Variants in PCDHA5 observed in about 807,000 individuals in gnomAD.
PCDHA5 encodes the protein protocadherin alpha 5, also known as protocadherin alpha-5.
Under a neutral mutation model 61.6 loss-of-function variants are expected in PCDHA5, and 43 were observed. The observed-to-expected ratio is 0.70, with a 90% CI of 0.55 to 0.90. The LOEUF (loss-of-function observed/expected upper bound fraction) is 0.90. PCDHA5 is among the 40% of genes least tolerant of loss of function. The pLI is 0.00. For synonymous variants in PCDHA5, 627 were observed against 543.9 expected, an observed-to-expected ratio of 1.15 and a Z score of -2.13; for missense variants, 1,298 against 1,222.7, an observed-to-expected ratio of 1.06 and a Z score of -0.92.
chr5:140,822,254 A>G lies in PCDHA5; in HGVS notation c.479A>G (p.Asp160Gly). 1 of 1,614,260 alleles carries G rather than the reference A, an allele frequency of 6.2e-7. No individual in the cohort carries two copies. Among genetic ancestry groups the G allele is most frequent in the South Asian group, 1.1e-5 (1 of 91,092 alleles). ...CCGCTAGAGGGCGCGTCGGATTTGGATATTGGAGCAAATGCACAATTGAGA... is the reference window on the plus strand; with the variant it reads ...CCGCTAGAGGGCGCGTCGGATTTGGGTATTGGAGCAAATGCACAATTGAGA... ...RFPLEGASDL[D>G]IGANAQLRYR... Residue 160 changes from aspartate to glycine, a missense_variant, in exon 1 of 4, where the codon GAT (aspartate) becomes GGT (glycine). Physicochemically the swap from Asp to Gly is moderately conservative, Grantham distance 94. Transcript: ENST00000529859.
intron 1 of PCDHA5, among the ~76,000 whole-genome samples, chr5:140,832,988 T>G (rs1772237826): frequency 6.6e-6 from 1 of 152,168 alleles, no homozygotes; most frequent in Admixed American, 6.6e-5. Context: ...AAATGAGGAA[T>G]AGTCCACTTT....
chr5:140,839,516 A>G (rs2150298514), intron 1 of PCDHA5, among the ~76,000 whole-genome samples: 7 of 151,942 alleles, frequency 4.6e-5, no homozygotes, highest in African/African-American at 1.7e-4. Context: ...CAGCCTCTCA[A>G]GTTGCTGGGA....
At chr5:140,938,209 G>C (rs1210350140) in intron 1 of PCDHA5, among the ~76,000 whole-genome samples, 1 of 152,160 alleles carries the variant, frequency 6.6e-6, no homozygotes, top group Admixed American at 6.5e-5. Flanking sequence ...GCCTCCCAAA[G>C]TGCTGGGATT....
chr5:140,968,896 A>G (rs2096277975), intron 1 of PCDHA5: 1 of 1,614,240 alleles, frequency 6.2e-7, no homozygotes, highest in Non-Finnish European at 8.5e-7. Context: ...ATCTAATAAT[A>G]GCATTAAGCA....
intron 1 of PCDHA5, chr5:140,870,636 G>C (rs2153249494): frequency 6.2e-7 from 1 of 1,612,910 alleles, no homozygotes; most frequent in Non-Finnish European, 8.5e-7. Context: ...CGGTGCACGC[G>C]GAGAGCGGCA....
At chr5:140,934,952 C>T (rs1007494400) in intron 1 of PCDHA5, among the ~76,000 whole-genome samples, 22 of 152,218 alleles carry the variant, frequency 1.4e-4, no homozygotes, top group African/African-American at 5.1e-4. Flanking sequence ...AGAGAGATCC[C>T]ATGTGCTTGT....
intron 1 of PCDHA5, chr5:140,883,108 AT>A (rs1261032162): frequency 6.2e-7 from 1 of 1,614,018 alleles, no homozygotes; most frequent in Non-Finnish European, 8.5e-7. Flanking sequence ...TAGTTTACTC[AT>A]TTAGAAGGCC....
At chr5:140,878,063 T>A (rs2057461897) in intron 1 of PCDHA5, 1 of 402,806 alleles carries the variant, frequency 2.5e-6, no homozygotes, top group Non-Finnish European at 4.1e-6. Context: ...CACTTAATAT[T>A]TTTCTTTTTC....
chr5:140,836,511 CTG>C, intron 1 of PCDHA5: 2 of 1,613,860 alleles, frequency 1.2e-6, no homozygotes, highest in Non-Finnish European at 1.7e-6. Flanking sequence ...GGTGTCCAGT[CTG>C]TTGGTGCTTA....
intron 1 of PCDHA5, among the ~76,000 whole-genome samples, chr5:140,891,739 C>T (rs1433506044): frequency 4.6e-5 from 7 of 152,116 alleles, no homozygotes; most frequent in Non-Finnish European, 2.9e-5. Flanking sequence ...AATTCAATCC[C>T]TTATACAACA....
At chr5:140,961,248 G>A (rs144956279) in intron 1 of PCDHA5, among the ~76,000 whole-genome samples, 129 of 152,276 alleles carry the variant, frequency 8.5e-4, no homozygotes, top group African/African-American at 1.8e-3. Flanking sequence ...GAATTTATCC[G>A]AAGCTCCAGG....
At chr5:140,836,242 T>C in intron 1 of PCDHA5, 1 of 1,613,606 alleles carries the variant, frequency 6.2e-7, no homozygotes, top group South Asian at 1.1e-5. Flanking sequence ...GGTGCGAGCA[T>C]CCCGTTCCGC....
chr5:140,869,650 C>A, intron 1 of PCDHA5: 1 of 1,613,504 alleles, frequency 6.2e-7, no homozygotes, highest in African/African-American at 1.3e-5. Flanking sequence ...TTTAGATTCA[C>A]CAACAAATGG....
chr5:140,965,299 C>A (rs1295211520), intron 1 of PCDHA5, among the ~76,000 whole-genome samples: 4 of 152,134 alleles, frequency 2.6e-5, no homozygotes, highest in African/African-American at 7.2e-5. Context: ...TTCCTCTGAT[C>A]CTTCTACCTT....
chr5:140,978,601 G>A (rs1382051729), intron 1 of PCDHA5, among the ~76,000 whole-genome samples: 1 of 152,244 alleles, frequency 6.6e-6, no homozygotes, highest in African/African-American at 2.4e-5. Flanking sequence ...TGGGGCACTT[G>A]AGGGCAAAAG....
At chr5:140,859,508 T>A (rs1298997050) in intron 1 of PCDHA5, 1 of 197,594 alleles carries the variant, frequency 5.1e-6, no homozygotes, top group Non-Finnish European at 1.0e-5. Flanking sequence ...CTGATACCCA[T>A]GATTTCATTT....
chr5:140,903,753 A>T (rs1554191101), intron 1 of PCDHA5, among the ~76,000 whole-genome samples: 2 of 152,186 alleles, frequency 1.3e-5, no homozygotes, highest in African/African-American at 4.8e-5. Context: ...GTTTCCCTTG[A>T]TTTTTGCTGA....
At chr5:140,961,387 C>T (rs1249667395) in intron 1 of PCDHA5, among the ~76,000 whole-genome samples, 1 of 152,148 alleles carries the variant, frequency 6.6e-6, no homozygotes, top group Admixed American at 6.5e-5. Flanking sequence ...TTGAACTATT[C>T]CATTAGTAAA....
At position 140,822,272 on chromosome 5, in the gene PCDHA5, A is replaced by C; in HGVS notation, c.497A>C (p.Gln166Pro). Reference protein sequence around the residue: ...ASDLDIGANAQLRYRLNPNEY... With the variant: ...ASDLDIGANAPLRYRLNPNEY... ...GATTTGGATATTGGAGCAAATGCACAATTGAGATACAGGTTAAATCCAAAC... is the reference window on the plus strand; with the variant it reads ...GATTTGGATATTGGAGCAAATGCACCATTGAGATACAGGTTAAATCCAAAC... Residue 166 changes from glutamine to proline, a missense_variant, in exon 1 of 4, where the codon CAA becomes CCA. Gln to Pro is a moderately conservative substitution (Grantham distance 76, BLOSUM62 -1). Coordinates refer to ENST00000529859, the MANE Select transcript of PCDHA5 (RefSeq NM_018908.3). The C allele has an allele frequency of 6.2e-7, 1 of 1,614,244 alleles. No individual in the cohort carries two copies. The highest frequency in any genetic ancestry group is 1.7e-5 in the Admixed American group (1 of 60,036).
Sources: gnomAD v4.1 joint callset for allele counts (sites outside exome capture counted in the v4.1 genomes callset) on GRCh38, gnomAD v4.1.1 for gene constraint, MANE v1.5 for transcripts, NCBI Gene and HGNC (gene_info 2026-07-23, HGNC 2026-07-21) for gene names.